Variants in FAF1 observed in about 807,000 individuals in gnomAD.
The protein encoded by FAF1 is FAS-associated factor 1.
A neutral mutation model predicts 92.5 loss-of-function variants in FAF1; 25 were observed. The observed-to-expected ratio is 0.27, with a 90% CI of 0.20 to 0.38. The LOEUF (loss-of-function observed/expected upper bound fraction) is 0.38, where lower values mean the gene tolerates loss of function less well. Among genes scored for constraint, FAF1 ranks in the 10% least tolerant of loss-of-function variants. FAF1 has a pLI of 1.00. For synonymous variants in FAF1, 234 were observed against 273.2 expected, an observed-to-expected ratio of 0.86 and a Z score of 1.42; for missense variants, 636 against 793.3, an observed-to-expected ratio of 0.80 and a Z score of 2.38.
chr1:50,722,478 C>A (rs149734277), intron 6 of FAF1, among the ~76,000 whole-genome samples: 1 of 152,162 alleles, frequency 6.6e-6, no homozygotes. Flanking sequence ...GAAACTCGGT[C>A]TCTACTAAAA....
At chr1:50,726,187 C>T (rs889178289) in intron 6 of FAF1, among the ~76,000 whole-genome samples, 2 of 151,704 alleles carry the variant, frequency 1.3e-5, no homozygotes, top group South Asian at 2.1e-4. Context: ...ACTCAGGAGG[C>T]GGAGGTTGCA....
At position 50,518,662 on chromosome 1, in the gene FAF1, A is replaced by C. The variant is rs1572802225; in HGVS notation, c.1494+16707T>G. On this transcript the variant is annotated intron_variant, in intron 15 of 18. Transcript: ENST00000396153. ...TCACCGTGTTAGCCAGGATGGTCTC[A>C]ATCTCCTGACCTTGTGATCTGCCCA... Among the ~76,000 whole-genome samples the C allele has an allele frequency of 3.3e-5, 5 of 151,946 alleles. No homozygotes were observed. In the East Asian group the frequency reaches 9.7e-4, roughly 29 times the overall value.
chr1:50,920,097 C>G (rs1000317310), intron 1 of FAF1, among the ~76,000 whole-genome samples: 3 of 151,912 alleles, frequency 2.0e-5, no homozygotes, highest in Admixed American at 2.0e-4. Flanking sequence ...GTCAGGAGTT[C>G]GGGACCAGCC....
intron 6 of FAF1, among the ~76,000 whole-genome samples, chr1:50,707,967 G>A (rs939380746): frequency 1.1e-4 from 17 of 152,158 alleles, no homozygotes; most frequent in African/African-American, 4.1e-4. Context: ...GCGCCACCAC[G>A]CCCAGTTAAT....
At chr1:50,623,050 C>T (rs1254535600) in intron 8 of FAF1, among the ~76,000 whole-genome samples, 1 of 152,128 alleles carries the variant, frequency 6.6e-6, no homozygotes, top group African/African-American at 2.4e-5. Context: ...TACACCATGA[C>T]CCTGTTCTCA....
At chr1:50,815,659 C>T (rs181485171) in intron 2 of FAF1, among the ~76,000 whole-genome samples, 2 of 152,338 alleles carry the variant, frequency 1.3e-5, no homozygotes, top group Admixed American at 6.5e-5. Flanking sequence ...ATTTACATTT[C>T]TACCAACAGG....
intron 12 of FAF1, chr1:50,582,291 G>A (rs971438836): frequency 4.2e-6 from 1 of 237,250 alleles, no homozygotes; most frequent in Non-Finnish European, 8.2e-6. Flanking sequence ...AGAGCCAGCA[G>A]TACCCCTATC....
chr1:50,959,843 G>A lies in FAF1; in HGVS notation c.-32C>T, dbSNP rs751325040. 3.3e-6 allele frequency: 5 copies of A among 1,528,988 alleles called. No individual in the cohort carries two copies. In the Admixed American group the frequency reaches 7.5e-5, roughly 23 times the overall value. 94.7% of individuals were successfully genotyped at this position (1,528,988 alleles called of 1,614,324 possible). A position where few individuals can be genotyped will look rare whatever the true frequency, so the allele number is the denominator to read the frequency against. On this transcript the variant is annotated 5_prime_UTR_variant, in exon 1 of 19. Transcript: ENST00000396153. ...CGCCGAGTTCCGCGGCTCCGGGAGCGAAGCGCGCACCTGGGAGGCAGACGG... is the reference window on the plus strand; with the variant it reads ...CGCCGAGTTCCGCGGCTCCGGGAGCAAAGCGCGCACCTGGGAGGCAGACGG...
intron 2 of FAF1, among the ~76,000 whole-genome samples, chr1:50,831,152 C>T (rs532341241): frequency 1.4e-4 from 21 of 151,726 alleles, no homozygotes; most frequent in Admixed American, 1.1e-3. Context: ...TTTTAAAGTT[C>T]CTAATTAACA....
chr1:50,919,773 G>A (rs958953800), intron 1 of FAF1, among the ~76,000 whole-genome samples: 19 of 152,062 alleles, frequency 1.2e-4, no homozygotes, highest in Non-Finnish European at 2.4e-4. Context: ...GCACCCAGCC[G>A]AAGAATATTC....
At chr1:50,451,837 T>C (rs2148980381) in intron 18 of FAF1, 1 of 1,001,248 alleles carries the variant, frequency 1.0e-6, no homozygotes, top group East Asian at 1.1e-4. Flanking sequence ...TCTTCATTCC[T>C]AGCCTATGCC....
intron 2 of FAF1, among the ~76,000 whole-genome samples, chr1:50,843,112 A>G (rs1260714832): frequency 1.3e-5 from 2 of 152,202 alleles, no homozygotes; most frequent in African/African-American, 4.8e-5. Context: ...TCGAATGCCA[A>G]TTACCTTTGT....
chr1:50,675,730 G>A (rs1375811454), intron 7 of FAF1, among the ~76,000 whole-genome samples: 3 of 152,154 alleles, frequency 2.0e-5, no homozygotes, highest in African/African-American at 7.2e-5. Context: ...TACAAAGATA[G>A]ATAAAGACAC....
rs374472769 is a variant in FAF1, at chr1:50,959,858, G to T, written c.-47C>A. On this transcript the variant is annotated 5_prime_UTR_variant, in exon 1 of 19. Coordinates refer to ENST00000396153, the MANE Select transcript of FAF1 (RefSeq NM_007051.3). Reference sequence around the variant, plus strand: ...CTCCGGGAGCGAAGCGCGCACCTGGGAGGCAGACGGCACCTCCTGCGACCG... The same window carrying T: ...CTCCGGGAGCGAAGCGCGCACCTGGTAGGCAGACGGCACCTCCTGCGACCG... 2.2e-5 allele frequency: 32 copies of T among 1,462,810 alleles called. No individual in the cohort carries two copies. The African/African-American group carries it at 4.4e-4, about 20-fold the overall frequency. 90.6% of individuals were successfully genotyped at this position (1,462,810 alleles called of 1,614,324 possible). A position where few individuals can be genotyped will look rare whatever the true frequency, so the allele number is the denominator to read the frequency against.
intron 1 of FAF1, among the ~76,000 whole-genome samples, chr1:50,887,613 A>G (rs1172376896): frequency 6.6e-6 from 1 of 152,242 alleles, no homozygotes; most frequent in East Asian, 1.9e-4. Flanking sequence ...CGGTTTTCCC[A>G]GCACCAATTA....
chr1:50,780,461 G>T, intron 4 of FAF1: 2 of 170,804 alleles, frequency 1.2e-5, no homozygotes, highest in South Asian at 1.5e-4. Flanking sequence ...ATCTTTGACC[G>T]ATCCCATGGA....
intron 13 of FAF1, among the ~76,000 whole-genome samples, chr1:50,547,811 T>C (rs1649108253): frequency 6.6e-6 from 1 of 152,238 alleles, no homozygotes; most frequent in African/African-American, 2.4e-5. Flanking sequence ...AACAAGGGTA[T>C]AGCTAATCTA....
chr1:50,624,414 T>A (rs1220178951), intron 8 of FAF1, among the ~76,000 whole-genome samples: 1 of 152,226 alleles, frequency 6.6e-6, no homozygotes, highest in Non-Finnish European at 1.5e-5. Flanking sequence ...CCCAAAGTGC[T>A]GGGATTACAT....
At chr1:50,570,940 G>A (rs1278934077) in intron 12 of FAF1, among the ~76,000 whole-genome samples, 2 of 152,144 alleles carry the variant, frequency 1.3e-5, no homozygotes, top group African/African-American at 2.4e-5. Flanking sequence ...AACTGCTTTC[G>A]TGAAGAAAGC....
Sources: allele counts gnomAD v4.1 joint callset (sites outside exome capture counted in the v4.1 genomes callset), GRCh38; gene constraint gnomAD v4.1.1; transcripts MANE v1.5; gene names NCBI Gene and HGNC (gene_info 2026-07-23, HGNC 2026-07-21).